Variants in ASCC3 observed in about 807,000 individuals in gnomAD.
ASCC3 encodes activating signal cointegrator 1 complex subunit 3.
Under a neutral mutation model 256.3 loss-of-function variants are expected in ASCC3, and 158 were observed. That is an observed-to-expected ratio of 0.62 (90% CI 0.54 to 0.70). ASCC3 has a LOEUF of 0.70. Ranked by LOEUF, ASCC3 falls within the 30% of genes least tolerant of loss-of-function variation. The pLI is 0.00. For synonymous variants in ASCC3, 948 were observed against 883.4 expected (o/e 1.07, Z -1.30); for missense variants, 2,259 against 2,626.0 (o/e 0.86, Z 3.05).
intron 34 of ASCC3, among the ~76,000 whole-genome samples, chr6:100,591,252 C>A (rs1276054691): frequency 2.6e-5 from 4 of 151,908 alleles, no homozygotes; most frequent in Non-Finnish European, 5.9e-5. Context: ...TATTTCTTTT[C>A]TTTTGGAAAA....
At chr6:100,799,211 T>C (rs906704084) in intron 7 of ASCC3, among the ~76,000 whole-genome samples, 2 of 151,974 alleles carry the variant, frequency 1.3e-5, no homozygotes, top group African/African-American at 2.4e-5. Flanking sequence ...AAAATACAAA[T>C]TGCAAAAACA....
chr6:100,765,503 A>T lies in ASCC3; in HGVS notation c.1737+1062T>A, dbSNP rs779161122. Among the ~76,000 whole-genome samples, 78 of 152,186 alleles carry T rather than the reference A, an allele frequency of 5.1e-4. 1 individual carries two copies. Among genetic ancestry groups the T allele is most frequent in the Non-Finnish European group, 1.6e-4 (11 of 68,028 alleles). Reference sequence around the variant, plus strand: ...CCTTTCTTTAGATAATAACTCAACCAACCGCCAATCAGAAAATCTATACAT... The same window carrying T: ...CCTTTCTTTAGATAATAACTCAACCTACCGCCAATCAGAAAATCTATACAT... On this transcript the variant is annotated intron_variant, in intron 10 of 41. Transcript: ENST00000369162.
At chr6:100,578,346 T>A (rs756808260) in intron 36 of ASCC3, among the ~76,000 whole-genome samples, 2 of 151,956 alleles carry the variant, frequency 1.3e-5, no homozygotes, top group Non-Finnish European at 2.9e-5. Context: ...TGGTTTGGGG[T>A]ACAGATTATT....
At chr6:100,781,762 C>T (rs552053736) in intron 8 of ASCC3, among the ~76,000 whole-genome samples, 6 of 151,992 alleles carry the variant, frequency 3.9e-5, no homozygotes, top group Non-Finnish European at 7.4e-5. Flanking sequence ...CTTCCTGACA[C>T]TAAGCACTAA....
At chr6:100,806,824 T>A (rs77418522) in intron 4 of ASCC3, among the ~76,000 whole-genome samples, 2,968 of 152,042 alleles carry the variant, frequency 0.02, 91 homozygotes, top group African/African-American at 0.069. Flanking sequence ...TCCTGTCCAA[T>A]CAATTTTAAT....
At chr6:100,866,875 C>T (rs1300219118) in intron 2 of ASCC3, among the ~76,000 whole-genome samples, 2 of 152,176 alleles carry the variant, frequency 1.3e-5, no homozygotes, top group Non-Finnish European at 2.9e-5. Flanking sequence ...ACTAATATAC[C>T]ACATTCAGAG....
intron 8 of ASCC3, among the ~76,000 whole-genome samples, chr6:100,782,516 T>C (rs1328598626): frequency 1.3e-5 from 2 of 152,184 alleles, no homozygotes; most frequent in Admixed American, 6.5e-5. Context: ...TCAATGCCTA[T>C]TACCTTCGGC....
intron 39 of ASCC3, among the ~76,000 whole-genome samples, chr6:100,515,628 A>G (rs563067869): frequency 5.0e-4 from 76 of 152,304 alleles, no homozygotes; most frequent in Non-Finnish European, 9.9e-4. Context: ...TTTCTATGTA[A>G]GTTATATGGT....
intron 30 of ASCC3, among the ~76,000 whole-genome samples, chr6:100,607,567 C>A (rs1772962669): frequency 6.6e-6 from 1 of 151,928 alleles, no homozygotes. Flanking sequence ...TGGCCCTGAA[C>A]AAGTCACACA....
intron 36 of ASCC3, among the ~76,000 whole-genome samples, chr6:100,588,991 T>C (rs1771849070): frequency 6.6e-6 from 1 of 151,990 alleles, no homozygotes; most frequent in Admixed American, 6.6e-5. Flanking sequence ...TTGTGGTAAA[T>C]TATTACACTT....
At chr6:100,580,595 A>ATTG (rs1771170430) in intron 36 of ASCC3, among the ~76,000 whole-genome samples, 1 of 151,810 alleles carries the variant, frequency 6.6e-6, no homozygotes, top group Admixed American at 6.6e-5. Flanking sequence ...TATTATTATT[A>ATTG]TTATACTTTA....
In ASCC3 at chr6:100,601,837, A is replaced by T; in HGVS notation, c.5276T>A (p.Phe1759Tyr). ...GGGATTCATGATAAGACGTCGGAAA[A>T]AGTAAGTCCAGGTGATATAATCCAA... ...DALDYITWTY[F>Y]FRRLIMNPSY... Residue 1759 changes from phenylalanine (F) to tyrosine (Y), a missense_variant, in exon 34 of 42, where the codon TTT becomes TAT. This residue lies in a region of ASCC3 where 1,839 missense variants were observed against 2,206.7 expected (regional missense o/e 0.83). Coordinates refer to ENST00000369162, the MANE Select transcript of ASCC3 (RefSeq NM_006828.4). The T allele has an allele frequency of 6.2e-7, 1 of 1,612,610 alleles. No homozygotes were observed. Among genetic ancestry groups the T allele is most frequent in the Non-Finnish European group, 8.5e-7 (1 of 1,178,914 alleles).
At chr6:100,623,579 C>T (rs557066635) in intron 30 of ASCC3, among the ~76,000 whole-genome samples, 9 of 152,030 alleles carry the variant, frequency 5.9e-5, no homozygotes, top group Non-Finnish European at 1.2e-4. Context: ...TTACTGATGC[C>T]GAACAGCACT....
At chr6:100,833,424 CA>C (rs551550885) in intron 4 of ASCC3, among the ~76,000 whole-genome samples, 53 of 152,090 alleles carry the variant, frequency 3.5e-4, no homozygotes, top group African/African-American at 1.3e-3. Flanking sequence ...TGTATAATAC[CA>C]AGAGTGAATC....
chr6:100,512,628 T>G, intron 40 of ASCC3, 81 bp downstream of exon 40: 1 of 1,341,832 alleles, frequency 7.5e-7, no homozygotes, highest in Non-Finnish European at 1.1e-6. Flanking sequence ...CACGGGCACA[T>G]TAGTCACATA....
intron 10 of ASCC3, among the ~76,000 whole-genome samples, chr6:100,740,278 T>G (rs1482022637): frequency 6.6e-6 from 1 of 152,212 alleles, no homozygotes; most frequent in African/African-American, 2.4e-5. Flanking sequence ...CTAATTTGAT[T>G]GCACTGTGGT....
intron 34 of ASCC3, among the ~76,000 whole-genome samples, chr6:100,597,843 A>G (rs1020261705): frequency 2.0e-5 from 3 of 147,914 alleles, no homozygotes; most frequent in African/African-American, 7.5e-5. Context: ...GCATGGTGGA[A>G]GGTGCCTGTA....
chr6:100,784,839 A>G (rs1425267753), intron 8 of ASCC3, among the ~76,000 whole-genome samples: 2 of 152,054 alleles, frequency 1.3e-5, no homozygotes, highest in Non-Finnish European at 2.9e-5. Context: ...AAAAGGAGAA[A>G]GGCCTATTCT....
chr6:100,689,953 T>C (rs925953434), intron 13 of ASCC3, among the ~76,000 whole-genome samples: 1 of 152,086 alleles, frequency 6.6e-6, no homozygotes, highest in Admixed American at 6.6e-5. Flanking sequence ...GATTAGCTTA[T>C]AAGAAAAAAA....
Sources: gnomAD v4.1 joint callset for allele counts (sites outside exome capture counted in the v4.1 genomes callset) on GRCh38, gnomAD v4.1.1 for gene constraint, gnomAD v4.1.1 regional missense constraint, MANE v1.5 for transcripts, NCBI Gene and HGNC (gene_info 2026-07-23, HGNC 2026-07-21) for gene names.